Variants in KDM4A observed in about 807,000 individuals in gnomAD.
KDM4A encodes lysine demethylase 4A, also known as lysine-specific demethylase 4A.
Under a neutral mutation model 127.1 loss-of-function variants are expected in KDM4A, and 23 were observed. The ratio of observed to expected loss-of-function variants is 0.18; its 90% CI spans 0.13 to 0.26. KDM4A has a LOEUF of 0.26. Ranked by LOEUF, KDM4A falls within the 10% of genes least tolerant of loss-of-function variation. The pLI is 1.00. For missense variants in KDM4A, 890 were observed against 1,329.1 expected (o/e 0.67, Z 5.14); for synonymous variants, 443 against 466.5 (o/e 0.95, Z 0.65).
intron 19 of KDM4A, 103 bp downstream of exon 19, chr1:43,698,116 C>T (rs1661288143): frequency 3.6e-6 from 4 of 1,112,944 alleles, no homozygotes; most frequent in Non-Finnish European, 2.6e-6. Flanking sequence ...TAGCCAGGTC[C>T]CTGGTCCCAT....
chr1:43,682,529 G>A (rs1421180578), intron 11 of KDM4A, among the ~76,000 whole-genome samples: 4 of 152,186 alleles, frequency 2.6e-5, no homozygotes, highest in South Asian at 4.1e-4. Context: ...CCTTACTCAC[G>A]TAAGCACAGA....
chr1:43,659,273 G>T (rs755250575), intron 3 of KDM4A, among the ~76,000 whole-genome samples: 1 of 152,132 alleles, frequency 6.6e-6, no homozygotes, highest in Non-Finnish European at 1.5e-5. Flanking sequence ...AGGCTGGGCA[G>T]CAGAGCAAGG....
At position 43,655,730 on chromosome 1, in the gene KDM4A, C is replaced by T. The variant is rs1660221391; in HGVS notation, c.278C>T (p.Thr93Ile). The T allele has an allele frequency of 1.2e-6, 2 of 1,612,462 alleles. No individual in the cohort carries two copies. The change falls in exon 3 of 22, where the codon ACT becomes ATT. Residue 93 changes from threonine to isoleucine, a missense_variant. Physicochemically the swap from Thr to Ile is moderately conservative, Grantham distance 89 (BLOSUM62 -1). This residue lies in a region of KDM4A where 41 missense variants were observed against 40.8 expected (regional missense o/e 1.00). Coordinates refer to ENST00000372396, the MANE Select transcript of KDM4A (RefSeq NM_014663.3). ...TQYNIQKKAM[T>I]VREFRKIANS... is the part of the protein sequence containing the mutation. The stretch of plus-strand genomic sequence containing the variant: ...TACAACATACAGAAGAAAGCCATGA[C>T]TGTTCGAGAGTTCCGCAAGATAGCC...
chr1:43,692,200 T>C (rs1661133822), intron 15 of KDM4A, 56 bp from the exon 16 acceptor site: 1 of 1,484,678 alleles, frequency 6.7e-7, no homozygotes, highest in Non-Finnish European at 9.4e-7. Flanking sequence ...GGAGAGCAGA[T>C]TGAATGTTAA....
In KDM4A at chr1:43,688,288, G is replaced by A. The variant is rs959558937; in HGVS notation, c.1856-626G>A. ...AGCCTGCAGGATATTGTTTGCCAGC[G>A]TCAGGCATCACATCTTGTGGCTGGG... On this transcript the variant is annotated intron_variant, in intron 12 of 21. Transcript: ENST00000372396. This position sits in a 1 kb window ranked among gnomAD's most constrained non-coding sequence, Gnocchi z 4.4. 6.6e-6 allele frequency among the ~76,000 whole-genome samples: 1 copy of A among 152,192 alleles called. No individual in the cohort carries two copies. The highest frequency in any genetic ancestry group is 2.4e-5 in the African/African-American group (1 of 41,444).
In KDM4A at chr1:43,671,862, G is replaced by C; in HGVS notation, c.1721G>C (p.Arg574Pro). The C allele has an allele frequency of 6.4e-7, 1 of 1,568,578 alleles. No individual in the cohort carries two copies. The highest frequency in any genetic ancestry group is 1.2e-5 in the South Asian group (1 of 84,522). ...AGCGCCGCTAGAAGTTTCAGTGAGCGGGAGCTGGCAGAGGTATGGGCTCCA... is the reference window on the plus strand; with the variant it reads ...AGCGCCGCTAGAAGTTTCAGTGAGCCGGAGCTGGCAGAGGTATGGGCTCCA... ...KGSAARSFSERELAEVADEYM... is the reference protein window; with the variant it reads ...KGSAARSFSEPELAEVADEYM... The change falls in exon 11 of 22, where the codon CGG becomes CCG. Residue 574 changes from arginine (R) to proline (P), a missense_variant. Arg to Pro is a moderately radical substitution (Grantham distance 103, BLOSUM62 -2). This residue lies in a region of KDM4A where 389 missense variants were observed against 485.9 expected (regional missense o/e 0.80). Transcript: ENST00000372396.
chr1:43,661,393 G>A (rs1001569968), intron 4 of KDM4A, among the ~76,000 whole-genome samples: 4 of 151,640 alleles, frequency 2.6e-5, no homozygotes, highest in African/African-American at 9.7e-5. Flanking sequence ...TGGATCAGGA[G>A]GTCAGGAGAT....
chr1:43,657,867 CG>C (rs1660283597), intron 3 of KDM4A, among the ~76,000 whole-genome samples: 1 of 149,692 alleles, frequency 6.7e-6, no homozygotes, highest in African/African-American at 2.5e-5. Context: ...TTTCCTTCCT[CG>C]GCCTCCCGAG....
At chr1:43,692,173 C>A in intron 15 of KDM4A, 83 bp from the exon 16 acceptor site, 1 of 1,247,516 alleles carries the variant, frequency 8.0e-7, no homozygotes, top group South Asian at 1.2e-5. Flanking sequence ...GGAGGAGTTG[C>A]CCAAAGCAGG....
Position 43,704,034 on chromosome 1 carries a change from T to C in KDM4A, c.2976T>C (p.Asp992=), listed in dbSNP as rs1237420062. ...TTCCTTGGTAGGTGGAGTTTGAGGA[T>C]GGCTCACAACTTGTGGTTAAGAGAG... The part of the protein sequence containing the change: ...PIQMYQVEFE[D]GSQLVVKRDD... The change falls in exon 21 of 22, where the codon GAT becomes GAC. Residue 992 remains aspartate (D), a synonymous_variant. Coordinates refer to ENST00000372396, the MANE Select transcript of KDM4A (RefSeq NM_014663.3). 1.2e-6 allele frequency: 2 copies of C among 1,614,116 alleles called. No homozygotes were observed. Among genetic ancestry groups the C allele is most frequent in the Admixed American group, 1.7e-5 (1 of 60,020 alleles).
intron 16 of KDM4A, among the ~76,000 whole-genome samples, chr1:43,692,657 T>TA (rs1159555055): frequency 6.6e-6 from 1 of 152,150 alleles, no homozygotes; most frequent in Non-Finnish European, 1.5e-5. Flanking sequence ...CTGGGGCTGG[T>TA]ATGCAGAGGC....
Position 43,704,440 on chromosome 1 carries a change from C to A in KDM4A, c.*70C>A. 1 of 1,450,588 alleles carries A rather than the reference C, an allele frequency of 6.9e-7. No homozygotes were observed. Among genetic ancestry groups the A allele is most frequent in the Non-Finnish European group, 9.4e-7 (1 of 1,061,596 alleles). The allele number at this position is 1,450,588 out of a possible 1,614,324, so 89.9% of individuals were successfully genotyped here. ...ACTCTGGGTTCCACAGCACAGCAGA[C>A]ATGGAACGCTGAAGTCTCTGAAAGT... On this transcript the variant is annotated 3_prime_UTR_variant, in exon 22 of 22. Transcript: ENST00000372396.
At position 43,687,083 on chromosome 1, in the gene KDM4A, G is replaced by C. The variant is rs577517957; in HGVS notation, c.1856-1831G>C. On this transcript the variant is annotated intron_variant, in intron 12 of 21. Transcript: ENST00000372396. ...CTTCCATTCTATCTTGGTCACTCCT[G>C]TTTGGCCAGGATAAAGAAAAAAATC... Among the ~76,000 whole-genome samples, 5 of 152,248 alleles carry C rather than the reference G, an allele frequency of 3.3e-5. No homozygotes were observed. In the South Asian group the frequency reaches 1.0e-3, roughly 32 times the overall value.
intron 5 of KDM4A, among the ~76,000 whole-genome samples, 174 bp downstream of exon 5, chr1:43,663,261 T>A (rs1478636669): frequency 1.3e-5 from 2 of 152,288 alleles, no homozygotes; most frequent in South Asian, 2.1e-4. Flanking sequence ...CTGTTGGAGC[T>A]CTGGTGCTCG....
intron 11 of KDM4A, among the ~76,000 whole-genome samples, chr1:43,680,277 C>T (rs560558444): frequency 1.7e-4 from 26 of 152,250 alleles, no homozygotes; most frequent in Admixed American, 1.4e-3. Flanking sequence ...TTAGAGATCA[C>T]GTCTTGTTTT....
At chr1:43,701,680 T>A (rs1661399257) in intron 19 of KDM4A, among the ~76,000 whole-genome samples, 1 of 151,902 alleles carries the variant, frequency 6.6e-6, no homozygotes, top group African/African-American at 2.4e-5. Context: ...AGAGATGGGG[T>A]CTCCCCTGTG....
At chr1:43,672,809 G>C (rs1421260918) in intron 11 of KDM4A, among the ~76,000 whole-genome samples, 1 of 152,186 alleles carries the variant, frequency 6.6e-6, no homozygotes, top group Non-Finnish European at 1.5e-5. Context: ...AACTGGGGTA[G>C]GCAGGAACTC....
At chr1:43,699,699 C>A (rs775656202) in intron 19 of KDM4A, 2 of 150,222 alleles carry the variant, frequency 1.3e-5, no homozygotes, top group Non-Finnish European at 1.5e-5. Context: ...CATTTCCCTG[C>A]AATTTTGCAA....
At chr1:43,652,946 A>G (rs1406274561) in intron 1 of KDM4A, among the ~76,000 whole-genome samples, 191 bp from the exon 2 acceptor site, 2 of 152,152 alleles carry the variant, frequency 1.3e-5, no homozygotes, top group African/African-American at 4.8e-5. Flanking sequence ...GGCCTCCCAA[A>G]GTGCTGGGAT....
Sources: allele counts gnomAD v4.1 joint callset (sites outside exome capture counted in the v4.1 genomes callset), GRCh38; gene constraint gnomAD v4.1.1; regional missense constraint gnomAD v4.1.1; non-coding constraint Gnocchi (gnomAD v3.1); transcripts MANE v1.5; gene names NCBI Gene and HGNC (gene_info 2026-07-23, HGNC 2026-07-21).